Variants in MRTFB observed in about 807,000 individuals in gnomAD.
MRTFB encodes the protein myocardin-related transcription factor B.
Under a neutral mutation model 104.2 loss-of-function variants are expected in MRTFB, and 29 were observed. The observed-to-expected ratio is 0.28, with a 90% CI of 0.21 to 0.38. The LOEUF is 0.38. Ranked by LOEUF, MRTFB falls within the 10% of genes least tolerant of loss-of-function variation. The probability of loss-of-function intolerance (pLI) is 1.00; values close to 1 mark genes in which losing one functional copy is unlikely to be tolerated. For synonymous variants in MRTFB, 535 were observed against 519.5 expected, an observed-to-expected ratio of 1.03 and a Z score of -0.41; for missense variants, 1,270 against 1,341.6, an observed-to-expected ratio of 0.95 and a Z score of 0.83.
chr16:14,216,082 A>T (rs1374456460), intron 6 of MRTFB, among the ~76,000 whole-genome samples: 1 of 152,276 alleles, frequency 6.6e-6, no homozygotes, highest in Non-Finnish European at 1.5e-5. Context: ...AACAGATATG[A>T]ATCATTTTGT....
chr16:14,136,634 T>C (rs932642018), intron 2 of MRTFB, among the ~76,000 whole-genome samples: 1 of 152,130 alleles, frequency 6.6e-6, no homozygotes, highest in African/African-American at 2.4e-5. Flanking sequence ...GGGACTACCT[T>C]AGCCCAGTAG....
At chr16:14,226,990 A>G (rs1385980435) in intron 8 of MRTFB, among the ~76,000 whole-genome samples, 1 of 152,080 alleles carries the variant, frequency 6.6e-6, no homozygotes, top group African/African-American at 2.4e-5. Flanking sequence ...TTAAAAAAAA[A>G]AGAAACAAGA....
the MRTFB span, among the ~76,000 whole-genome samples, chr16:14,021,923 C>T: frequency 2.0e-5 from 3 of 152,188 alleles, no homozygotes; most frequent in South Asian, 2.1e-4. Context: ...TATTTCCCGC[C>T]GGGTAGATAC....
the MRTFB span, among the ~76,000 whole-genome samples, chr16:14,060,817 A>C: frequency 6.6e-6 from 1 of 152,088 alleles, no homozygotes; most frequent in Non-Finnish European, 1.5e-5. Context: ...AGGCTAGTGC[A>C]TGCTATGACA....
Position 14,261,729 on chromosome 16 carries a change from T to G in MRTFB, c.*285T>G. The G allele has an allele frequency of 3.0e-6, 1 of 338,974 alleles. No individual in the cohort carries two copies. Among genetic ancestry groups the G allele is most frequent in the Non-Finnish European group, 5.3e-6 (1 of 187,276 alleles). The allele number at this position is 338,974 out of a possible 1,614,324, so 21.0% of individuals were successfully genotyped here. On this transcript the variant is annotated 3_prime_UTR_variant, in exon 17 of 17. Coordinates refer to ENST00000571589, the MANE Select transcript of MRTFB (RefSeq NM_001308142.2). ...CTTCAGTAAAGAATGAAAAGTACCT[T>G]TAGATAAAAACAAAGAAGAGTAATA...
the MRTFB span, among the ~76,000 whole-genome samples, chr16:14,029,514 T>TACAC: frequency 0.049 from 5,464 of 112,572 alleles, 352 homozygotes; most frequent in African/African-American, 0.14. Context: ...CACATATATA[T>TACAC]ACACACACAC....
rs1332693660 is a variant in MRTFB, at chr16:14,252,297, G to A, written c.2566-68G>A. On this transcript the variant is annotated intron_variant, in intron 14 of 16. Coordinates refer to ENST00000571589, the MANE Select transcript of MRTFB (RefSeq NM_001308142.2). ...CCACTACATAGAGAACAGCAGAGCC[G>A]AGTCTAGCCAGGAAAAGAGAGGTTT... 6.1e-5 allele frequency: 96 copies of A among 1,565,420 alleles called. 1 individual carries two copies. Among genetic ancestry groups the A allele is most frequent in the Non-Finnish European group, 7.6e-5 (88 of 1,152,802 alleles).
In MRTFB at chr16:14,212,221, C is replaced by T. The variant is rs189335271; in HGVS notation, c.221-133C>T. ...TAAGATTTCAAATTTTGCAGGTCTC[C>T]TAATGGAACTGGTAAATTAATGGAA... On this transcript the variant is annotated intron_variant, in intron 4 of 16. Transcript: ENST00000571589. 5.6e-5 allele frequency: 45 copies of T among 805,880 alleles called. No homozygotes were observed. The East Asian group carries it at 1.1e-3, about 20-fold the overall frequency. The allele number at this position is 805,880 out of a possible 1,614,324, so 49.9% of individuals were successfully genotyped here. A position where few individuals can be genotyped will look rare whatever the true frequency, so the allele number is the denominator to read the frequency against.
chr16:14,201,521 CAGTT>C (rs569019588), intron 3 of MRTFB, among the ~76,000 whole-genome samples: 291 of 152,276 alleles, frequency 1.9e-3, no homozygotes, highest in East Asian at 3.3e-3. Flanking sequence ...CAAGTGAAAA[CAGTT>C]AGGGCCAGTG....
At chr16:14,033,663 C>T in the MRTFB span, among the ~76,000 whole-genome samples, 1 of 151,708 alleles carries the variant, frequency 6.6e-6, no homozygotes, top group African/African-American at 2.4e-5. Context: ...CATGGTGAAA[C>T]CCCATCTCTA....
At chr16:14,258,407 A>T (rs2043607854) in intron 16 of MRTFB, among the ~76,000 whole-genome samples, 1 of 152,110 alleles carries the variant, frequency 6.6e-6, no homozygotes, top group South Asian at 2.1e-4. Flanking sequence ...CCAGCTTGGG[A>T]AACATAATGA....
chr16:14,117,918 A>C (rs957862096), intron 2 of MRTFB, among the ~76,000 whole-genome samples: 7 of 152,218 alleles, frequency 4.6e-5, no homozygotes, highest in African/African-American at 1.7e-4. Context: ...TTTCTTTAAA[A>C]ATATGTTACT....
rs538970377 is a variant in MRTFB at position 14,149,932 on chromosome 16, G to A, written c.154+9172G>A. On this transcript the variant is annotated intron_variant, in intron 3 of 16. Coordinates refer to ENST00000571589, the MANE Select transcript of MRTFB (RefSeq NM_001308142.2). Reference sequence around the variant, plus strand: ...GTGTGGTGGCAGGCCCCTCAAAGCCGTGGTTGGAATAATCTTACGTATTCC... The same window carrying A: ...GTGTGGTGGCAGGCCCCTCAAAGCCATGGTTGGAATAATCTTACGTATTCC... 3.9e-5 allele frequency among the ~76,000 whole-genome samples: 6 copies of A among 152,310 alleles called. No homozygotes were observed. In the South Asian group the frequency reaches 8.3e-4, roughly 21 times the overall value.
At chr16:14,011,211 A>G in the MRTFB span, among the ~76,000 whole-genome samples, 1 of 152,384 alleles carries the variant, frequency 6.6e-6, no homozygotes, top group South Asian at 2.1e-4. Flanking sequence ...TTGTTTAGCC[A>G]GAAAGGGATG....
At chr16:14,138,673 A>T (rs1444178330) in intron 2 of MRTFB, among the ~76,000 whole-genome samples, 3 of 152,204 alleles carry the variant, frequency 2.0e-5, no homozygotes, top group African/African-American at 7.2e-5. Context: ...TAGTTGAGGG[A>T]TCAGCCAGAG....
intron 3 of MRTFB, among the ~76,000 whole-genome samples, chr16:14,185,150 C>T (rs751623762): frequency 3.3e-5 from 5 of 152,192 alleles, no homozygotes; most frequent in Non-Finnish European, 7.3e-5. Flanking sequence ...AAGCTTGTCA[C>T]TATTTGTTCC....
intron 9 of MRTFB, among the ~76,000 whole-genome samples, chr16:14,235,353 A>C (rs2151325619): frequency 6.6e-6 from 1 of 152,158 alleles, no homozygotes. Flanking sequence ...AGTGGCAACC[A>C]TCCCCATGAA....
At chr16:14,127,505 G>A (rs1460587791) in intron 2 of MRTFB, among the ~76,000 whole-genome samples, 5 of 151,812 alleles carry the variant, frequency 3.3e-5, no homozygotes, top group African/African-American at 1.2e-4. Context: ...TTAGCCAGGC[G>A]TGGTGGTGGG....
intron 3 of MRTFB, among the ~76,000 whole-genome samples, chr16:14,180,709 G>A (rs1399673738): frequency 1.3e-5 from 2 of 152,208 alleles, no homozygotes; most frequent in Non-Finnish European, 2.9e-5. Flanking sequence ...TCCGAGCACA[G>A]GCCTGTCATG....
Sources: allele counts gnomAD v4.1 joint callset (sites outside exome capture counted in the v4.1 genomes callset), GRCh38; gene constraint gnomAD v4.1.1; transcripts MANE v1.5; gene names NCBI Gene and HGNC (gene_info 2026-07-23, HGNC 2026-07-21).